Variants in VPS13D observed in about 807,000 individuals in gnomAD.
The protein encoded by VPS13D is intermembrane lipid transfer protein VPS13D.
A neutral mutation model predicts 461.9 loss-of-function variants in VPS13D; 187 were observed. The observed-to-expected ratio is 0.40, with a 90% confidence interval of 0.36 to 0.46. VPS13D has a LOEUF of 0.46. VPS13D is among the 20% of genes least tolerant of loss of function. The pLI is 0.60. For missense variants in VPS13D, 4,711 were observed against 5,364.9 expected (o/e 0.88, Z 3.81); for synonymous variants, 1,951 against 1,986.3 (o/e 0.98, Z 0.47).
chr1:12,352,084 G>T (rs1643809022), intron 46 of VPS13D, among the ~76,000 whole-genome samples: 1 of 151,570 alleles, frequency 6.6e-6, no homozygotes, highest in Non-Finnish European at 1.5e-5. Flanking sequence ...GAGATCAGGG[G>T]TTCGAGACCA....
At chr1:12,434,620 T>G (rs1393891324) in intron 65 of VPS13D, among the ~76,000 whole-genome samples, 1 of 151,916 alleles carries the variant, frequency 6.6e-6, no homozygotes, top group East Asian at 1.9e-4. Context: ...AGCAGCAAAC[T>G]AACTTATTTA....
chr1:12,340,577 T>A (rs968314855), intron 40 of VPS13D, among the ~76,000 whole-genome samples: 1 of 152,232 alleles, frequency 6.6e-6, no homozygotes, highest in African/African-American at 2.4e-5. Flanking sequence ...TGTTGCAGTT[T>A]GTCTTCTCGA....
intron 31 of VPS13D, 54 bp downstream of exon 31, chr1:12,318,391 TATC>T: frequency 6.4e-7 from 1 of 1,563,114 alleles, no homozygotes; most frequent in East Asian, 2.3e-5. Context: ...TTAGGCTCAA[TATC>T]TGCCTTACAG....
intron 67 of VPS13D, among the ~76,000 whole-genome samples, chr1:12,481,871 G>A (rs1357510859): frequency 6.6e-6 from 1 of 152,206 alleles, no homozygotes; most frequent in Non-Finnish European, 1.5e-5. Flanking sequence ...AAGCAAGGAG[G>A]CAGAGAGCTT....
At chr1:12,291,215 A>C (rs571748160) in intron 23 of VPS13D, 91 bp downstream of exon 23, 8 of 1,440,134 alleles carry the variant, frequency 5.6e-6, no homozygotes, top group Non-Finnish European at 7.5e-6. Context: ...GAAAACTTTT[A>C]AAAATTTTTA....
At position 12,249,278 on chromosome 1, in the gene VPS13D, A is replaced by T. The variant is rs776997640; in HGVS notation, c.503A>T (p.His168Leu). 3.7e-6 allele frequency: 6 copies of T among 1,613,886 alleles called. No homozygotes were observed. The highest frequency in any genetic ancestry group is 5.1e-6 in the Non-Finnish European group (6 of 1,179,974). Residue 168 changes from histidine (H) to leucine (L), a missense_variant, in exon 6 of 70, where the codon CAT becomes CTT. Around this residue, in one of 3 missense-constraint regions of VPS13D, gnomAD observed 4,411 missense variants for 4,937.8 expected, o/e 0.89. Coordinates refer to ENST00000620676, the MANE Select transcript of VPS13D (RefSeq NM_015378.4). ...RFEDGVTNPS[H>L]PFAFGICIKN... ...GAAGATGGTGTCACCAATCCCTCCC[A>T]TCCTTTTGCTTTTGGCATCTGCATT...
In VPS13D at chr1:12,304,366, AG is replaced by A. The variant is rs1282073986; in HGVS notation, c.6217-137del. The A allele has an allele frequency of 4.2e-6, 3 of 714,856 alleles. No homozygotes were observed. The East Asian group carries it at 8.2e-5, about 19-fold the overall frequency. 44.3% of individuals were successfully genotyped at this position (714,856 alleles called of 1,614,324 possible). On this transcript the variant is annotated intron_variant, in intron 25 of 69. Transcript: ENST00000620676. The stretch of plus-strand genomic sequence containing the variant: ...CTTGTTTATGGGATCTGGGAGGCTG[AG>A]GGAAGTATAAGTATTATAGAGTCTT...
At chr1:12,492,304 A>G (rs1645893734) in intron 67 of VPS13D, among the ~76,000 whole-genome samples, 1 of 152,214 alleles carries the variant, frequency 6.6e-6, no homozygotes, top group African/African-American at 2.4e-5. Flanking sequence ...ATAGGCTGAA[A>G]GGAGAAGATG....
chr1:12,322,152 A>G (rs1414370368), intron 33 of VPS13D, among the ~76,000 whole-genome samples, 188 bp downstream of exon 33: 1 of 151,476 alleles, frequency 6.6e-6, no homozygotes, highest in Non-Finnish European at 1.5e-5. Flanking sequence ...TGCAAGCTCC[A>G]CCTCCTGGGT....
At chr1:12,478,141 T>A (rs1645658614) in intron 67 of VPS13D, among the ~76,000 whole-genome samples, 1 of 152,250 alleles carries the variant, frequency 6.6e-6, no homozygotes, top group Non-Finnish European at 1.5e-5. Context: ...ACTTGGGCTG[T>A]CCTTTTGCCC....
chr1:12,468,995 C>T (rs571462177), intron 67 of VPS13D, among the ~76,000 whole-genome samples: 1 of 151,368 alleles, frequency 6.6e-6, no homozygotes, highest in Non-Finnish European at 1.5e-5. Context: ...GATTGCACCA[C>T]TGCACTCCAG....
chr1:12,455,902 C>A, intron 65 of VPS13D, 96 bp from the exon 66 acceptor site: 1 of 1,422,480 alleles, frequency 7.0e-7, no homozygotes, highest in Non-Finnish European at 9.3e-7. Flanking sequence ...ATGGGCTTAT[C>A]TAATTGTATT....
At chr1:12,334,054 C>T (rs938043424) in intron 38 of VPS13D, among the ~76,000 whole-genome samples, 4 of 152,160 alleles carry the variant, frequency 2.6e-5, no homozygotes, top group Non-Finnish European at 5.9e-5. Context: ...TATCTTTGAG[C>T]GATAACACAT....
chr1:12,394,017 G>A (rs868528757), intron 60 of VPS13D, among the ~76,000 whole-genome samples: 2 of 152,270 alleles, frequency 1.3e-5, no homozygotes, highest in East Asian at 1.9e-4. Flanking sequence ...CTGTATCCGC[G>A]AAATGTCTGA....
rs1643108019 is a variant in VPS13D, at chr1:12,323,813, T to C, written c.7990+33T>C. 8 of 1,601,064 alleles carry C rather than the reference T, an allele frequency of 5.0e-6. No homozygotes were observed. In the East Asian group the frequency reaches 1.8e-4, roughly 36 times the overall value. On this transcript the variant is annotated intron_variant, in intron 35 of 69. Transcript: ENST00000620676. ...GAACAGGGTTCTGTTACCCGTTGTT[T>C]ATCTTGATGATATGCTTCCTTCCCA...
chr1:12,256,230 A>G (rs1006297558), intron 7 of VPS13D, 103 bp from the exon 8 acceptor site: 11 of 1,346,988 alleles, frequency 8.2e-6, no homozygotes, highest in South Asian at 1.4e-5. Flanking sequence ...GACACAGCCT[A>G]TGGCTGAGCT....
chr1:12,509,874 TA>T lies in VPS13D; in HGVS notation c.*853del, dbSNP rs1425071110. 6.6e-6 allele frequency: 1 copy of T among 152,236 alleles called. No individual in the cohort carries two copies. Among genetic ancestry groups the T allele is most frequent in the Non-Finnish European group, 1.5e-5 (1 of 68,052 alleles). The allele number at this position is 152,236 out of a possible 1,614,324, so 9.4% of individuals were successfully genotyped here. ...TTATTAGAGAGGTTGGAAACATTGG[TA>T]AACTCTGTTGATTGAGAAGGAAAAA... On this transcript the variant is annotated 3_prime_UTR_variant, in exon 70 of 70. Coordinates refer to ENST00000620676, the MANE Select transcript of VPS13D (RefSeq NM_015378.4).
chr1:12,442,855 C>T (rs1465099713), intron 65 of VPS13D, among the ~76,000 whole-genome samples: 1 of 152,186 alleles, frequency 6.6e-6, no homozygotes, highest in Non-Finnish European at 1.5e-5. Flanking sequence ...TCCCAAAGTG[C>T]TGGGATTACA....
intron 48 of VPS13D, 68 bp downstream of exon 48, chr1:12,356,158 C>G (rs1340501467): frequency 1.3e-6 from 2 of 1,516,358 alleles, no homozygotes; most frequent in African/African-American, 1.4e-5. Context: ...ATTTGCTTAG[C>G]TAACTAAATG....
Sources: allele counts gnomAD v4.1 joint callset (sites outside exome capture counted in the v4.1 genomes callset), GRCh38; gene constraint gnomAD v4.1.1; regional missense constraint gnomAD v4.1.1; transcripts MANE v1.5; gene names NCBI Gene and HGNC (gene_info 2026-07-23, HGNC 2026-07-21).